The following SDCCAG8 variants were observed in gnomAD, a reference collection of about 807,000 sequenced individuals.
The protein encoded by SDCCAG8 is serologically defined colon cancer antigen 8.
SDCCAG8 carries 74 observed loss-of-function variants against 101.8 expected under a neutral mutation model. The ratio of observed to expected loss-of-function variants is 0.73; its 90% confidence interval spans 0.60 to 0.88. The LOEUF (loss-of-function observed/expected upper bound fraction) is 0.88. SDCCAG8 is among the 40% of genes least tolerant of loss of function. The probability of loss-of-function intolerance (pLI) is 0.00; values close to 1 mark genes in which losing one functional copy is unlikely to be tolerated. For missense variants in SDCCAG8, 787 were observed against 822.6 expected (o/e 0.96, Z 0.53); for synonymous variants, 281 against 292.9 (o/e 0.96, Z 0.41).
At chr1:243,377,830 C>CTTTTTTTTT (rs34783752) in intron 12 of SDCCAG8, among the ~76,000 whole-genome samples, 1 of 144,960 alleles carries the variant, frequency 6.9e-6, no homozygotes. Flanking sequence ...TCTGCCCTTT[C>CTTTTTTTTT]TTTTTTTTTT....
chr1:243,378,779 A>C lies in SDCCAG8; in HGVS notation c.1532A>C (p.Gln511Pro). The C allele has an allele frequency of 6.2e-7, 1 of 1,614,146 alleles. No homozygotes were observed. Among genetic ancestry groups the C allele is most frequent in the South Asian group, 1.1e-5 (1 of 91,088 alleles). ...DESKQHLEQE[Q>P]QKAALAREEC... is the part of the protein sequence containing the mutation. ...AGCAAACAACACTTGGAACAGGAGC[A>C]GCAGAAGGCAGCCCTGGCCAGAGAG... Residue 511 changes from glutamine (Q) to proline (P), a missense_variant, in exon 13 of 18, where the codon CAG (glutamine) becomes CCG (proline). Gln to Pro is a moderately conservative substitution (Grantham distance 76). Coordinates refer to ENST00000366541, the MANE Select transcript of SDCCAG8 (RefSeq NM_006642.5).
At chr1:243,475,416 CG>C (rs1258291040) in intron 16 of SDCCAG8, among the ~76,000 whole-genome samples, 2 of 152,100 alleles carry the variant, frequency 1.3e-5, no homozygotes, top group African/African-American at 4.8e-5. Flanking sequence ...GTACTGTAAC[CG>C]GGAGCAGCCT....
rs932476961 is a variant in SDCCAG8 at position 243,499,871 on chromosome 1, C to T, written c.*86C>T. The T allele has an allele frequency of 1.6e-5, 21 of 1,330,234 alleles. No individual in the cohort carries two copies. The East Asian group carries it at 3.1e-4, about 19-fold the overall frequency. The allele number at this position is 1,330,234 out of a possible 1,614,324, so 82.4% of individuals were successfully genotyped here. A position where few individuals can be genotyped will look rare whatever the true frequency, so the allele number is the denominator to read the frequency against. On this transcript the variant is annotated 3_prime_UTR_variant, in exon 18 of 18. Coordinates refer to ENST00000366541, the MANE Select transcript of SDCCAG8 (RefSeq NM_006642.5). ...AGACTTAATATGCCACAACGCACCA[C>T]GACCTTCCCAGGGTGACACCGCCTC...
At chr1:243,425,320 TG>T (rs1413325364) in intron 15 of SDCCAG8, among the ~76,000 whole-genome samples, 1 of 152,134 alleles carries the variant, frequency 6.6e-6, no homozygotes, top group Admixed American at 6.5e-5. Flanking sequence ...AGCTTCCTTT[TG>T]GATGACATTT....
intron 16 of SDCCAG8, among the ~76,000 whole-genome samples, chr1:243,445,672 A>G (rs1380930990): frequency 6.6e-6 from 1 of 152,208 alleles, no homozygotes; most frequent in Non-Finnish European, 1.5e-5. Context: ...TACATCTTTT[A>G]TTGCACCCAA....
intron 10 of SDCCAG8, among the ~76,000 whole-genome samples, chr1:243,339,715 G>A (rs1336175164): frequency 4.6e-5 from 7 of 152,074 alleles, no homozygotes; most frequent in African/African-American, 1.2e-4. Context: ...ACCTATCTTC[G>A]TTTTATTGAT....
At chr1:243,452,420 T>C (rs2083439687) in intron 16 of SDCCAG8, among the ~76,000 whole-genome samples, 1 of 136,938 alleles carries the variant, frequency 7.3e-6, no homozygotes, top group African/African-American at 2.9e-5. Flanking sequence ...ATCTCTTTTT[T>C]TTTTTTTTTT....
At chr1:243,290,205 G>GA (rs1553296109) in intron 5 of SDCCAG8, among the ~76,000 whole-genome samples, 14 of 114,282 alleles carry the variant, frequency 1.2e-4, no homozygotes, top group South Asian at 1.1e-3. Flanking sequence ...CACCGCTCCC[G>GA]CCCCCCGATC....
At chr1:243,450,693 T>C (rs1273702354) in intron 16 of SDCCAG8, among the ~76,000 whole-genome samples, 1 of 152,238 alleles carries the variant, frequency 6.6e-6, no homozygotes, top group Non-Finnish European at 1.5e-5. Flanking sequence ...AGTCTTGCTC[T>C]GTTGCCCAGG....
chr1:243,300,525 CAT>C (rs2071396349), intron 6 of SDCCAG8, among the ~76,000 whole-genome samples: 3 of 152,144 alleles, frequency 2.0e-5, no homozygotes, highest in Admixed American at 1.3e-4. Context: ...GTGCAGGAGA[CAT>C]GTGTACCAAA....
intron 13 of SDCCAG8, among the ~76,000 whole-genome samples, chr1:243,409,679 G>C (rs916885931): frequency 6.6e-6 from 1 of 152,050 alleles, no homozygotes; most frequent in African/African-American, 2.4e-5. Context: ...ACCTTGAAAG[G>C]GTTCCCCCTG....
intron 13 of SDCCAG8, among the ~76,000 whole-genome samples, chr1:243,390,119 A>G (rs1046137078): frequency 1.3e-5 from 2 of 152,220 alleles, no homozygotes; most frequent in Non-Finnish European, 2.9e-5. Flanking sequence ...ATTGATGTAT[A>G]TTCTTGCTAT....
intron 10 of SDCCAG8, among the ~76,000 whole-genome samples, chr1:243,337,844 G>A (rs1360714119): frequency 6.6e-6 from 1 of 151,986 alleles, no homozygotes; most frequent in Non-Finnish European, 1.5e-5. Flanking sequence ...TAGTTTGAAT[G>A]AACTTGGGCA....
intron 13 of SDCCAG8, among the ~76,000 whole-genome samples, chr1:243,395,785 A>C (rs1391506023): frequency 6.6e-6 from 1 of 152,126 alleles, no homozygotes; most frequent in Non-Finnish European, 1.5e-5. Context: ...TCAGAACTTT[A>C]AGATTTAAAT....
At chr1:243,415,073 G>A (rs977109406) in intron 13 of SDCCAG8, among the ~76,000 whole-genome samples, 1 of 152,140 alleles carries the variant, frequency 6.6e-6, no homozygotes, top group Non-Finnish European at 1.5e-5. Flanking sequence ...TTTTCATCCT[G>A]CAATTTCTTT....
intron 16 of SDCCAG8, among the ~76,000 whole-genome samples, chr1:243,438,018 G>A (rs560064873): frequency 6.6e-6 from 1 of 152,126 alleles, no homozygotes; most frequent in Non-Finnish European, 1.5e-5. Context: ...TCCTGAGAAG[G>A]TTTCTTGCCC....
chr1:243,269,466 T>C (rs947929669), intron 1 of SDCCAG8, among the ~76,000 whole-genome samples: 10 of 152,072 alleles, frequency 6.6e-5, no homozygotes, highest in Non-Finnish European at 5.9e-5. Context: ...TTGTGTGTTC[T>C]AGGGGTGGTC....
At chr1:243,379,474 T>G (rs893291712) in intron 13 of SDCCAG8, among the ~76,000 whole-genome samples, 4 of 152,196 alleles carry the variant, frequency 2.6e-5, no homozygotes, top group African/African-American at 9.7e-5. Flanking sequence ...AGTAAATATG[T>G]AGCTCGGCCC....
At chr1:243,267,291 G>T in intron 1 of SDCCAG8, 1 of 218,158 alleles carries the variant, frequency 4.6e-6, no homozygotes, top group Non-Finnish European at 9.1e-6. Flanking sequence ...GGAATCTTAT[G>T]GATTCTTCTT....
Sources: gnomAD v4.1 joint callset for allele counts (sites outside exome capture counted in the v4.1 genomes callset) on GRCh38, gnomAD v4.1.1 for gene constraint, MANE v1.5 for transcripts, NCBI Gene and HGNC (gene_info 2026-07-23, HGNC 2026-07-21) for gene names.